KDM4C: variants seen among roughly 807,000 people sequenced by gnomAD.
KDM4C encodes the protein lysine demethylase 4C.
Under a neutral mutation model 129.3 loss-of-function variants are expected in KDM4C, and 81 were observed. The observed-to-expected ratio is 0.63, with a 90% CI of 0.52 to 0.75. The LOEUF (loss-of-function observed/expected upper bound fraction) is 0.75, where lower values mean the gene tolerates loss of function less well. Among genes scored for constraint, KDM4C ranks in the 30% least tolerant of loss-of-function variants. KDM4C has a pLI of 0.00. For synonymous variants in KDM4C, 573 were observed against 456.1 expected (o/e 1.26, Z -3.26); for missense variants, 1,457 against 1,304.0 (o/e 1.12, Z -1.81).
intron 8 of KDM4C, among the ~76,000 whole-genome samples, chr9:6,900,189 G>T (rs1318879431): frequency 6.6e-6 from 1 of 152,102 alleles, no homozygotes; most frequent in East Asian, 1.9e-4. Flanking sequence ...TCATTTTCAG[G>T]GTGGTCCTAT....
At chr9:6,924,923 CTAA>C (rs1469083604) in intron 8 of KDM4C, 1 of 983,894 alleles carries the variant, frequency 1.0e-6, no homozygotes, top group East Asian at 1.1e-4. Context: ...GCCTTTAGTT[CTAA>C]TAATAATGTG....
intron 15 of KDM4C, among the ~76,000 whole-genome samples, chr9:7,046,538 G>T (rs548241171): frequency 6.6e-6 from 1 of 152,112 alleles, no homozygotes; most frequent in Admixed American, 6.6e-5. Flanking sequence ...TATACTAGGT[G>T]TGTGGACTAG....
intron 2 of KDM4C, among the ~76,000 whole-genome samples, chr9:6,799,718 T>G (rs1828564227): frequency 1.3e-5 from 2 of 151,610 alleles, no homozygotes; most frequent in African/African-American, 4.8e-5. Context: ...GTGGATATCT[T>G]TATTGCTAAT....
At position 6,984,260 on chromosome 9, in the gene KDM4C, G is replaced by A. The variant is rs377236574; in HGVS notation, c.1210G>A (p.Asp404Asn). The A allele has an allele frequency of 2.0e-5, 33 of 1,613,790 alleles. No individual in the cohort carries two copies. The highest frequency in any genetic ancestry group is 2.4e-5 in the Non-Finnish European group (28 of 1,179,900). ...EVDGAEVPNP[D>N]SVTDDLKVSE... ...CGATGGGGCAGAGGTCCCTAACCCC[G>A]ACTCAGTCACAGATGACCTCAAGGT... Residue 404 changes from aspartate to asparagine, a missense_variant, in exon 10 of 22, where the codon GAC (aspartate) becomes AAC (asparagine). Asp to Asn is a conservative substitution (Grantham distance 23, BLOSUM62 1). Transcript: ENST00000381309.
Position 7,049,105 on chromosome 9 carries a change from A to G in KDM4C, c.2329A>G (p.Met777Val). ...QTKNNKWAHVMCAVAVPEVRF... is the reference protein window; with the variant it reads ...QTKNNKWAHVVCAVAVPEVRF... The stretch of plus-strand genomic sequence containing the variant: ...CCTTTCCTGTAGGTGGGCCCATGTC[A>G]TGTGCGCCGTTGCGGTCCCAGAAGT... Residue 777 changes from methionine to valine, a missense_variant, in exon 17 of 22, where the codon ATG (methionine) becomes GTG (valine). Coordinates refer to ENST00000381309, the MANE Select transcript of KDM4C (RefSeq NM_015061.6). 1 of 1,612,014 alleles carries G rather than the reference A, an allele frequency of 6.2e-7. No individual in the cohort carries two copies. The highest frequency in any genetic ancestry group is 8.5e-7 in the Non-Finnish European group (1 of 1,178,456).
rs140738797 is a variant in KDM4C, at chr9:7,012,828, T to C, written c.1968+949T>C. ...GACATGAACATTGTGTTTTGGGTTATATTTTTATTTATAGAAACAAATATT... is the reference window on the plus strand; with the variant it reads ...GACATGAACATTGTGTTTTGGGTTACATTTTTATTTATAGAAACAAATATT... On this transcript the variant is annotated intron_variant, in intron 13 of 21. Transcript: ENST00000381309. Among the ~76,000 whole-genome samples, 7 of 152,344 alleles carry C rather than the reference T, an allele frequency of 4.6e-5. No homozygotes were observed. In the East Asian group the frequency reaches 1.3e-3, roughly 29 times the overall value.
At chr9:7,089,324 A>G (rs1235423556) in intron 17 of KDM4C, among the ~76,000 whole-genome samples, 7 of 152,172 alleles carry the variant, frequency 4.6e-5, no homozygotes, top group Non-Finnish European at 1.0e-4. Context: ...TATACAGAGC[A>G]CCATAGTGGC....
chr9:7,104,128 A>T (rs993824886), intron 18 of KDM4C: 1 of 426,434 alleles, frequency 2.3e-6, no homozygotes, highest in Admixed American at 3.4e-5. Context: ...GCATGCAGAA[A>T]ACTCTCCATG....
In KDM4C at chr9:7,113,995, C is replaced by A. The variant is rs148311738; in HGVS notation, c.2610+10125C>A. On this transcript the variant is annotated intron_variant, in intron 18 of 21. Transcript: ENST00000381309. ...TGAGAGACTTACCCATATCTTAAAG[C>A]CCTGATAAAAATACTGATGTGAGGC... Among the ~76,000 whole-genome samples the A allele has an allele frequency of 1.1e-3, 169 of 152,240 alleles. 1 individual carries two copies. Among genetic ancestry groups the A allele is most frequent in the African/African-American group, 3.8e-3 (158 of 41,536 alleles).
intron 8 of KDM4C, among the ~76,000 whole-genome samples, chr9:6,958,299 A>C (rs10758809): frequency 0.33 from 50,125 of 151,922 alleles, 9,021 homozygotes; most frequent in East Asian, 0.64. Context: ...ATTATATCAC[A>C]TTGAGGCCGG....
At chr9:6,786,598 C>G (rs1825548552) in intron 1 of KDM4C, among the ~76,000 whole-genome samples, 1 of 152,130 alleles carries the variant, frequency 6.6e-6, no homozygotes, top group Admixed American at 6.6e-5. Context: ...ACCTATTTTC[C>G]TGTGACTTGG....
At chr9:7,168,240 T>C (rs1844607246) in intron 20 of KDM4C, among the ~76,000 whole-genome samples, 1 of 152,090 alleles carries the variant, frequency 6.6e-6, no homozygotes, top group Non-Finnish European at 1.5e-5. Flanking sequence ...TTTCAAACTC[T>C]AGATTTTTTT....
At chr9:7,095,630 T>C (rs933680352) in intron 17 of KDM4C, among the ~76,000 whole-genome samples, 1 of 152,150 alleles carries the variant, frequency 6.6e-6, no homozygotes, top group African/African-American at 2.4e-5. Flanking sequence ...GTGAATTCAA[T>C]CATTAAAATA....
chr9:6,920,794 G>C (rs932137231), intron 8 of KDM4C, among the ~76,000 whole-genome samples: 1 of 152,086 alleles, frequency 6.6e-6, no homozygotes, highest in Non-Finnish European at 1.5e-5. Context: ...GGTGGGTCTG[G>C]ATCTTAGGCA....
chr9:6,998,346 A>G (rs1820143359), intron 12 of KDM4C, among the ~76,000 whole-genome samples: 1 of 152,244 alleles, frequency 6.6e-6, no homozygotes, highest in Non-Finnish European at 1.5e-5. Context: ...TTTAACCATC[A>G]TTTAACCCAT....
chr9:7,153,483 G>A (rs957050903), intron 19 of KDM4C, among the ~76,000 whole-genome samples: 7 of 152,174 alleles, frequency 4.6e-5, no homozygotes, highest in Non-Finnish European at 1.0e-4. Context: ...TTGGGAGACT[G>A]CTGCCGGTCA....
intron 5 of KDM4C, among the ~76,000 whole-genome samples, chr9:6,868,312 G>C (rs1209366969): frequency 6.6e-6 from 1 of 152,126 alleles, no homozygotes; most frequent in Non-Finnish European, 1.5e-5. Flanking sequence ...GAAACTTGAG[G>C]AAAATATCCT....
At chr9:6,905,858 A>G (rs572569659) in intron 8 of KDM4C, among the ~76,000 whole-genome samples, 1 of 152,320 alleles carries the variant, frequency 6.6e-6, no homozygotes, top group East Asian at 1.9e-4. Flanking sequence ...TTCTCCTTCA[A>G]TTCCTATTAC....
chr9:6,883,527 A>G (rs1342180669), intron 6 of KDM4C, among the ~76,000 whole-genome samples: 1 of 152,218 alleles, frequency 6.6e-6, no homozygotes, highest in Non-Finnish European at 1.5e-5. Flanking sequence ...CTGTATTTAA[A>G]TGTAATTGGA....
Sources: gnomAD v4.1 joint callset for allele counts (sites outside exome capture counted in the v4.1 genomes callset) on GRCh38, gnomAD v4.1.1 for gene constraint, MANE v1.5 for transcripts, NCBI Gene and HGNC (gene_info 2026-07-23, HGNC 2026-07-21) for gene names.